Variants in GALK2 observed in about 807,000 individuals in gnomAD.
GALK2 encodes the protein N-acetylgalactosamine kinase.
In GALK2, 36 loss-of-function variants were observed where a neutral mutation model predicts 52.4. That is an observed-to-expected ratio of 0.69 (90% confidence interval 0.53 to 0.91). The LOEUF (loss-of-function observed/expected upper bound fraction) is 0.91, where lower values mean the gene tolerates loss of function less well. Among genes scored for constraint, GALK2 ranks in the 40% least tolerant of loss-of-function variants. The pLI, the probability that GALK2 is intolerant of heterozygous loss-of-function variation, is 0.00. For synonymous variants in GALK2, 176 were observed against 199.1 expected, an observed-to-expected ratio of 0.88 and a Z score of 0.98; for missense variants, 579 against 559.1, an observed-to-expected ratio of 1.04 and a Z score of -0.36.
intron 8 of GALK2, among the ~76,000 whole-genome samples, chr15:49,300,022 T>G (rs955892555): frequency 1.3e-5 from 2 of 151,782 alleles, no homozygotes; most frequent in African/African-American, 4.8e-5. Context: ...GCCTGGATGA[T>G]CTGTCAGTAG....
At chr15:49,244,593 C>A (rs2091258048) in intron 5 of GALK2, among the ~76,000 whole-genome samples, 1 of 152,046 alleles carries the variant, frequency 6.6e-6, no homozygotes, top group Non-Finnish European at 1.5e-5. Context: ...AAAACATTTT[C>A]AACATGTAAA....
intron 1 of GALK2, chr15:49,199,147 T>G (rs1320581764): frequency 1.3e-5 from 2 of 152,380 alleles, no homozygotes; most frequent in South Asian, 2.1e-4. Context: ...TCCTTCTGCC[T>G]TAGCCTCCAG....
At chr15:49,364,707 A>G (rs1485162543) in intron 3 of GALK2, among the ~76,000 whole-genome samples, 1 of 152,208 alleles carries the variant, frequency 6.6e-6, no homozygotes, top group East Asian at 1.9e-4. Flanking sequence ...ATGGTCTTAA[A>G]CAGTTATTTC....
intron 3 of GALK2, among the ~76,000 whole-genome samples, chr15:49,351,372 G>A (rs1247615146): frequency 3.9e-5 from 6 of 152,134 alleles, no homozygotes; most frequent in Admixed American, 1.3e-4. Context: ...GGCCAATTCC[G>A]CCCAAACTCT....
At chr15:49,205,369 C>G (rs2088190425) in intron 2 of GALK2, among the ~76,000 whole-genome samples, 2 of 152,158 alleles carry the variant, frequency 1.3e-5, no homozygotes, top group African/African-American at 4.8e-5. Flanking sequence ...GTTCCCTGTT[C>G]ACCACATCCA....
At chr15:49,338,820 C>T (rs548520552) in intron 3 of GALK2, among the ~76,000 whole-genome samples, 61 of 151,966 alleles carry the variant, frequency 4.0e-4, no homozygotes, top group Non-Finnish European at 6.9e-4. Context: ...AGGCTTTGTT[C>T]GTTTCTTTTC....
intron 1 of GALK2, chr15:49,156,198 T>G: frequency 1.6e-6 from 1 of 624,898 alleles, no homozygotes. Context: ...TGAGTTGCCT[T>G]AAATCTTACT....
At chr15:49,299,759 C>CTTTCTTTCTTTTCTTTCTTTCTTTA (rs2034891824) in intron 8 of GALK2, among the ~76,000 whole-genome samples, 1 of 113,452 alleles carries the variant, frequency 8.8e-6, no homozygotes, top group Non-Finnish European at 2.0e-5. Context: ...TTCTTTCTTT[C>CTTTCTTTCTTTTCTTTCTTTCTTTA]TTTCTTTCTT....
At chr15:49,258,281 A>G (rs575215561) in intron 5 of GALK2, among the ~76,000 whole-genome samples, 21 of 152,066 alleles carry the variant, frequency 1.4e-4, no homozygotes, top group Non-Finnish European at 2.5e-4. Context: ...AAGATAACCT[A>G]AAGTGTTAAA....
chr15:49,223,864 C>CT (rs1171287574), intron 3 of GALK2, among the ~76,000 whole-genome samples: 97 of 145,444 alleles, frequency 6.7e-4, no homozygotes, highest in Middle Eastern at 3.6e-3. Context: ...GTGCATGTGT[C>CT]TTTTTTTTTT....
chr15:49,293,680 A>G (rs1350503119), intron 8 of GALK2, among the ~76,000 whole-genome samples: 1 of 152,222 alleles, frequency 6.6e-6, no homozygotes, highest in East Asian at 1.9e-4. Context: ...CGTAACAGGA[A>G]TGCCTCTAAG....
rs781096044 is a variant in GALK2 at position 49,217,257 on chromosome 15, T to G, written c.210T>G (p.Ala70=). The G allele has an allele frequency of 6.2e-7, 1 of 1,613,458 alleles. No individual in the cohort carries two copies. Among genetic ancestry groups the G allele is most frequent in the East Asian group, 2.2e-5 (1 of 44,864 alleles). The change falls in exon 3 of 10, where the codon GCT becomes GCG. Residue 70 remains alanine, a synonymous_variant. Transcript: ENST00000560031. ...CTGTAGAACAAGATGTGCTAATAGC[T>G]GTAGAACCTGTGAAAACGTACGCTC... ...PMAVEQDVLI[A]VEPVKTYALQ... is the part of the protein sequence containing the mutation.
rs1311590803 is a variant in GALK2, at chr15:49,254,451, G to C, written c.504+15084G>C. Among the ~76,000 whole-genome samples the C allele has an allele frequency of 2.1e-5, 3 of 144,216 alleles. 1 individual carries two copies. Among genetic ancestry groups the C allele is most frequent in the Non-Finnish European group, 4.7e-5 (3 of 64,136 alleles). The allele number at this position is 144,216 out of a possible 152,430, so 94.6% of individuals were successfully genotyped here. ...TTGTAAAATATAAGCAAAAATCTAA[G>C]CAATCAGGACTCTTTATGCTGTCAA... is the stretch of plus-strand genomic sequence containing the variant. On this transcript the variant is annotated intron_variant, in intron 5 of 9. Transcript: ENST00000560031.
intron 8 of GALK2, among the ~76,000 whole-genome samples, chr15:49,311,860 G>A (rs1309429896): frequency 6.6e-6 from 1 of 152,190 alleles, no homozygotes; most frequent in Non-Finnish European, 1.5e-5. Context: ...CTCAAACAAT[G>A]AGAATGTGAA....
At chr15:49,282,181 G>T (rs1221531302) in intron 6 of GALK2, 96 bp downstream of exon 6, 4 of 807,754 alleles carry the variant, frequency 5.0e-6, no homozygotes, top group Non-Finnish European at 6.2e-6. Context: ...GCTTGGTTAT[G>T]GACAGCCTAC....
chr15:49,267,336 A>G (rs1019641690), intron 5 of GALK2, among the ~76,000 whole-genome samples: 5 of 152,198 alleles, frequency 3.3e-5, no homozygotes, highest in African/African-American at 1.2e-4. Context: ...TTGGAAGATG[A>G]GGAACCTTAT....
intron 7 of GALK2, among the ~76,000 whole-genome samples, chr15:49,286,301 T>C (rs1015176362): frequency 6.6e-6 from 1 of 152,220 alleles, no homozygotes; most frequent in Admixed American, 6.5e-5. Context: ...ATTTGTTCAA[T>C]AGATGAATGA....
intron 7 of GALK2, among the ~76,000 whole-genome samples, chr15:49,286,928 A>G (rs1188189209): frequency 6.6e-6 from 1 of 152,222 alleles, no homozygotes; most frequent in Non-Finnish European, 1.5e-5. Context: ...TACCAGATCC[A>G]TAGGTGAGCT....
chr15:49,266,389 G>A (rs1366173522), intron 5 of GALK2, among the ~76,000 whole-genome samples: 1 of 152,150 alleles, frequency 6.6e-6, no homozygotes, highest in Non-Finnish European at 1.5e-5. Context: ...AACAGAGAGG[G>A]GAAGAATTTG....
Sources: allele counts gnomAD v4.1 joint callset (sites outside exome capture counted in the v4.1 genomes callset), GRCh38; gene constraint gnomAD v4.1.1; transcripts MANE v1.5; gene names NCBI Gene and HGNC (gene_info 2026-07-23, HGNC 2026-07-21).